RBMS1: variants seen among roughly 807,000 people sequenced by gnomAD.
RBMS1 encodes RNA binding motif single stranded interacting protein 1.
A neutral mutation model predicts 62.3 loss-of-function variants in RBMS1; 17 were observed. That is an observed-to-expected ratio of 0.27 (90% CI 0.19 to 0.41). RBMS1 has a LOEUF of 0.41. RBMS1 is among the 10% of genes least tolerant of loss of function. RBMS1 has a pLI of 1.00. For missense variants in RBMS1, 334 were observed against 504.5 expected (o/e 0.66, Z 3.24); for synonymous variants, 172 against 170.0 (o/e 1.01, Z -0.09).
Position 160,493,570 on chromosome 2 carries a change from TCTTCC to T in RBMS1, c.-212_-208del, listed in dbSNP as rs1559621702. The T allele has an allele frequency of 7.0e-5, 41 of 583,148 alleles. No homozygotes were observed. Among genetic ancestry groups the T allele is most frequent in the African/African-American group, 3.7e-4 (18 of 48,130 alleles). The allele number at this position is 583,148 out of a possible 1,614,324, so 36.1% of individuals were successfully genotyped here. A position where few individuals can be genotyped will look rare whatever the true frequency, so the allele number is the denominator to read the frequency against. Reference sequence around the variant, plus strand: ...CTCCTCCTCCTCCTCCTCCTCCTCCTCTTCCTCCTCCTCCTCCTCCTCCCAGGCAG... The same window carrying T: ...CTCCTCCTCCTCCTCCTCCTCCTCCTTCCTCCTCCTCCTCCTCCCAGGCAG... On this transcript the variant is annotated 5_prime_UTR_variant, in exon 1 of 14. Transcript: ENST00000348849.
intron 4 of RBMS1, among the ~76,000 whole-genome samples, chr2:160,304,592 C>G (rs1689398044): frequency 6.6e-6 from 1 of 152,110 alleles, no homozygotes; most frequent in African/African-American, 2.4e-5. Flanking sequence ...CTGGTAATGT[C>G]TTGATGATCC....
intron 1 of RBMS1, among the ~76,000 whole-genome samples, chr2:160,455,275 A>G (rs1684171414): frequency 6.6e-6 from 1 of 152,178 alleles, no homozygotes; most frequent in African/African-American, 2.4e-5. Flanking sequence ...ACAGGCTGTT[A>G]TTTTTGTTTG....
chr2:160,330,024 G>A (rs1356747512), intron 2 of RBMS1, among the ~76,000 whole-genome samples: 1 of 152,104 alleles, frequency 6.6e-6, no homozygotes, highest in Non-Finnish European at 1.5e-5. Flanking sequence ...AAGTCCTTAA[G>A]AGCAAGTCAT....
At chr2:160,299,901 T>C (rs1689124580) in intron 6 of RBMS1, among the ~76,000 whole-genome samples, 2 of 152,094 alleles carry the variant, frequency 1.3e-5, no homozygotes, top group African/African-American at 4.8e-5. Flanking sequence ...GACATTTAAT[T>C]TGTGGTAGTG....
At chr2:160,410,753 T>C (rs942290677) in intron 1 of RBMS1, among the ~76,000 whole-genome samples, 2 of 149,108 alleles carry the variant, frequency 1.3e-5, no homozygotes, top group African/African-American at 4.9e-5. Flanking sequence ...GCTCATCCTC[T>C]TTTTTTTTTG....
intron 1 of RBMS1, among the ~76,000 whole-genome samples, chr2:160,377,755 G>C (rs769758654): frequency 2.6e-5 from 4 of 152,158 alleles, no homozygotes; most frequent in African/African-American, 4.8e-5. Flanking sequence ...TTTTGGCAAA[G>C]GGAGCTTGGC....
rs577084859 is a variant in RBMS1 at position 160,276,374 on chromosome 2, C to A, written c.1144-660G>T. Among the ~76,000 whole-genome samples, 17 of 149,890 alleles carry A rather than the reference C, an allele frequency of 1.1e-4. 1 individual carries two copies. Among genetic ancestry groups the A allele is most frequent in the Non-Finnish European group, 2.1e-4 (14 of 67,548 alleles). Reference sequence around the variant, plus strand: ...ACCACCACCACCACCACCACCAACACCTACTACTACTACTACTGCTACTAC... The same window carrying A: ...ACCACCACCACCACCACCACCAACAACTACTACTACTACTACTGCTACTAC... On this transcript the variant is annotated intron_variant, in intron 12 of 13. Transcript: ENST00000348849.
At chr2:160,341,126 A>G (rs1485866377) in intron 2 of RBMS1, among the ~76,000 whole-genome samples, 1 of 152,138 alleles carries the variant, frequency 6.6e-6, no homozygotes, top group Non-Finnish European at 1.5e-5. Context: ...TTTTAACAGA[A>G]CTGGGATGTT....
intron 1 of RBMS1, among the ~76,000 whole-genome samples, chr2:160,411,208 G>A (rs1307725656): frequency 6.6e-6 from 1 of 152,136 alleles, no homozygotes; most frequent in African/African-American, 2.4e-5. Context: ...AAATGAGCAG[G>A]ACCAATCCAA....
At chr2:160,404,140 T>C (rs1695574526) in intron 1 of RBMS1, among the ~76,000 whole-genome samples, 1 of 152,204 alleles carries the variant, frequency 6.6e-6, no homozygotes, top group South Asian at 2.1e-4. Context: ...CCACTGAGAC[T>C]TGAACCAATC....
chr2:160,310,556 C>G (rs1262532131), intron 4 of RBMS1, among the ~76,000 whole-genome samples: 5 of 152,248 alleles, frequency 3.3e-5, no homozygotes, highest in African/African-American at 1.2e-4. Flanking sequence ...ACACCTGAAA[C>G]GAAAGAAGCT....
chr2:160,391,734 T>C (rs982765604), intron 1 of RBMS1, among the ~76,000 whole-genome samples: 2 of 152,106 alleles, frequency 1.3e-5, no homozygotes, highest in Admixed American at 6.5e-5. Context: ...TCCCAGCACT[T>C]TGGGAAGCCA....
intron 10 of RBMS1, 89 bp from the exon 11 acceptor site, chr2:160,278,747 T>G (rs1240985487): frequency 2.5e-6 from 2 of 799,458 alleles, no homozygotes; most frequent in Non-Finnish European, 4.0e-6. Context: ...AATACCTTAG[T>G]TTGTTTAAGA....
At chr2:160,435,895 T>C (rs1683089397) in intron 1 of RBMS1, among the ~76,000 whole-genome samples, 1 of 152,172 alleles carries the variant, frequency 6.6e-6, no homozygotes, top group Non-Finnish European at 1.5e-5. Context: ...TATTATTTAA[T>C]GAGAATGGAT....
rs376150551 is a variant in RBMS1, at chr2:160,313,149, A to C, written c.402+7T>G. The C allele has an allele frequency of 6.8e-6, 11 of 1,612,980 alleles. No individual in the cohort carries two copies. The highest frequency in any genetic ancestry group is 8.5e-6 in the Non-Finnish European group (10 of 1,179,288). On this transcript the variant is annotated splice_region_variant and intron_variant, in intron 4 of 13. Coordinates refer to ENST00000348849, the MANE Select transcript of RBMS1 (RefSeq NM_016836.4). Reference sequence around the variant, plus strand: ...AACAGAGAAGCAATTGCTGGCTCTCAACTCACCTTTGCCATTTGAGCTTGA... The same window carrying C: ...AACAGAGAAGCAATTGCTGGCTCTCCACTCACCTTTGCCATTTGAGCTTGA...
At chr2:160,300,211 T>C (rs1159614257) in intron 6 of RBMS1, among the ~76,000 whole-genome samples, 1 of 152,174 alleles carries the variant, frequency 6.6e-6, no homozygotes, top group African/African-American at 2.4e-5. Flanking sequence ...TGAAGTGTGG[T>C]GTTCTTGGTA....
chr2:160,451,255 T>A (rs1683979472), intron 1 of RBMS1, among the ~76,000 whole-genome samples: 1 of 152,172 alleles, frequency 6.6e-6, no homozygotes, highest in Admixed American at 6.5e-5. Flanking sequence ...ACTCAGGATC[T>A]CTAAATTTAT....
intron 1 of RBMS1, among the ~76,000 whole-genome samples, chr2:160,473,767 C>T (rs957631299): frequency 6.6e-6 from 1 of 152,176 alleles, no homozygotes; most frequent in Non-Finnish European, 1.5e-5. Context: ...ATTTCCACCC[C>T]CTCAACTCTC....
intron 6 of RBMS1, among the ~76,000 whole-genome samples, chr2:160,291,615 T>C (rs1485694782): frequency 6.6e-6 from 1 of 152,208 alleles, no homozygotes; most frequent in Non-Finnish European, 1.5e-5. Flanking sequence ...CGAGGCTGTT[T>C]AGGTTTCTCC....
Sources: gnomAD v4.1 joint callset for allele counts (sites outside exome capture counted in the v4.1 genomes callset) on GRCh38, gnomAD v4.1.1 for gene constraint, MANE v1.5 for transcripts, NCBI Gene and HGNC (gene_info 2026-07-23, HGNC 2026-07-21) for gene names.